COL22A1: variants seen among roughly 807,000 people sequenced by gnomAD.
COL22A1 encodes collagen type XXII alpha 1 chain.
A neutral mutation model predicts 248.9 loss-of-function variants in COL22A1; 221 were observed. That is an observed-to-expected ratio of 0.89 (90% confidence interval 0.80 to 0.99). COL22A1 has a LOEUF of 0.99. Ranked by LOEUF, COL22A1 falls within the 50% of genes least tolerant of loss-of-function variation. The pLI is 0.00. For missense variants in COL22A1, 2,240 were observed against 2,179.0 expected (o/e 1.03, Z -0.56); for synonymous variants, 891 against 793.4 (o/e 1.12, Z -2.07).
chr8:138,789,230 T>C (rs991919592), intron 12 of COL22A1, among the ~76,000 whole-genome samples: 2 of 152,248 alleles, frequency 1.3e-5, no homozygotes, highest in Non-Finnish European at 2.9e-5. Flanking sequence ...TTCAGCACCA[T>C]GGACAGGGCC....
At chr8:138,616,880 C>T (rs1819369737) in intron 54 of COL22A1, 34 bp downstream of exon 54, 1 of 1,613,696 alleles carries the variant, frequency 6.2e-7, no homozygotes, top group Admixed American at 1.7e-5. Flanking sequence ...CTCTGCCCAC[C>T]TGGGGGGACC....
chr8:138,851,481 C>T (rs923426069), intron 3 of COL22A1, among the ~76,000 whole-genome samples: 22 of 152,350 alleles, frequency 1.4e-4, no homozygotes, highest in African/African-American at 3.8e-4. Flanking sequence ...ATGGTTGTTA[C>T]TATGTATGAG....
intron 17 of COL22A1, among the ~76,000 whole-genome samples, chr8:138,761,948 A>G (rs751788708): frequency 1.4e-4 from 22 of 152,102 alleles, no homozygotes; most frequent in Non-Finnish European, 2.8e-4. Flanking sequence ...ACTGAACCAC[A>G]TGTCTTGCAG....
intron 63 of COL22A1, among the ~76,000 whole-genome samples, chr8:138,593,374 T>C (rs1252838164): frequency 6.6e-6 from 1 of 151,980 alleles, no homozygotes; most frequent in Non-Finnish European, 1.5e-5. Flanking sequence ...TCCCAGAACT[T>C]GAAGTAAATT....
intron 12 of COL22A1, among the ~76,000 whole-genome samples, chr8:138,788,183 G>A (rs894687993): frequency 1.3e-5 from 2 of 152,174 alleles, no homozygotes; most frequent in African/African-American, 4.8e-5. Context: ...CCCCACCCCA[G>A]ACATACTAAA....
At chr8:138,749,715 T>C (rs1274491204) in intron 22 of COL22A1, among the ~76,000 whole-genome samples, 1 of 152,202 alleles carries the variant, frequency 6.6e-6, no homozygotes. Flanking sequence ...ACACAGCTGC[T>C]GAGACGTGGA....
intron 30 of COL22A1, among the ~76,000 whole-genome samples, chr8:138,715,278 C>A (rs1395299708): frequency 2.0e-5 from 3 of 152,098 alleles, no homozygotes; most frequent in African/African-American, 2.4e-5. Flanking sequence ...TCAGTACAGG[C>A]CGGGCATGGT....
At chr8:138,783,712 T>C (rs1815252806) in intron 12 of COL22A1, among the ~76,000 whole-genome samples, 1 of 152,194 alleles carries the variant, frequency 6.6e-6, no homozygotes, top group Admixed American at 6.5e-5. Flanking sequence ...AAAAGTTGTT[T>C]TAAGTATTAA....
intron 2 of COL22A1, among the ~76,000 whole-genome samples, chr8:138,881,546 A>G (rs62528818): frequency 0.11 from 16,219 of 152,136 alleles, 903 homozygotes; most frequent in Middle Eastern, 0.16. Flanking sequence ...TTAGCCAGGC[A>G]TGGTGGCAGG....
At chr8:138,651,364 T>A (rs2130568310) in intron 45 of COL22A1, among the ~76,000 whole-genome samples, 1 of 152,308 alleles carries the variant, frequency 6.6e-6, no homozygotes, top group African/African-American at 2.4e-5. Context: ...TGGCAAATAT[T>A]CTTCCACAGA....
intron 4 of COL22A1, among the ~76,000 whole-genome samples, chr8:138,841,043 C>T (rs1182910645): frequency 6.6e-6 from 1 of 152,154 alleles, no homozygotes; most frequent in Non-Finnish European, 1.5e-5. Context: ...GCCTTCCTTC[C>T]TTCCATTCTT....
chr8:138,782,520 G>A (rs563631429), intron 12 of COL22A1, among the ~76,000 whole-genome samples: 208 of 152,298 alleles, frequency 1.4e-3, no homozygotes, highest in Non-Finnish European at 2.8e-3. Context: ...TAGGCATGGG[G>A]GATATGGTGG....
chr8:138,649,782 A>G lies in COL22A1; in HGVS notation c.3334-4T>C. ...GAGGGCAGTCATTGCACACATCCTG[A>G]GAGTGGGGAGAGAGGTGGGGACAAA... On this transcript the variant is annotated splice_polypyrimidine_tract_variant and splice_region_variant and intron_variant, in intron 45 of 64. Coordinates refer to ENST00000303045, the MANE Select transcript of COL22A1 (RefSeq NM_152888.3). The G allele has an allele frequency of 6.5e-7, 1 of 1,541,122 alleles. No individual in the cohort carries two copies. The highest frequency in any genetic ancestry group is 8.8e-7 in the Non-Finnish European group (1 of 1,138,932).
intron 55 of COL22A1, among the ~76,000 whole-genome samples, chr8:138,614,961 G>C (rs1819191215): frequency 6.6e-6 from 1 of 152,198 alleles, no homozygotes; most frequent in Non-Finnish European, 1.5e-5. Flanking sequence ...GGCTCTGAAG[G>C]ACCCACATGG....
chr8:138,841,383 A>G (rs1378587511), intron 4 of COL22A1, among the ~76,000 whole-genome samples: 2 of 152,214 alleles, frequency 1.3e-5, no homozygotes, highest in African/African-American at 2.4e-5. Flanking sequence ...ATAGAATAAA[A>G]TGTTAAAAGA....
At chr8:138,719,852 G>A (rs753945614) in intron 27 of COL22A1, among the ~76,000 whole-genome samples, 2 of 152,290 alleles carry the variant, frequency 1.3e-5, no homozygotes, top group East Asian at 1.9e-4. Context: ...ACTAAGACCC[G>A]GTCACTGGGT....
At chr8:138,785,735 A>G (rs1298195890) in intron 12 of COL22A1, among the ~76,000 whole-genome samples, 2 of 152,134 alleles carry the variant, frequency 1.3e-5, no homozygotes, top group African/African-American at 2.4e-5. Context: ...GTTCTTTCAA[A>G]TAGATGCCCA....
chr8:138,796,890 C>T lies in COL22A1; in HGVS notation c.1558-33G>A, dbSNP rs199589989. The stretch of plus-strand genomic sequence containing the variant: ...AATGAAAGAAGGCAAAGATTCACTA[C>T]AGAGCATCTCCATGGCATGACATTG... On this transcript the variant is annotated intron_variant, in intron 11 of 64. Coordinates refer to ENST00000303045, the MANE Select transcript of COL22A1 (RefSeq NM_152888.3). The T allele has an allele frequency of 6.3e-4, 895 of 1,428,932 alleles. 3 individuals carry two copies. The highest frequency in any genetic ancestry group is 4.3e-3 in the Middle Eastern group (25 of 5,764). The allele number at this position is 1,428,932 out of a possible 1,614,324, so 88.5% of individuals were successfully genotyped here. A position where few individuals can be genotyped will look rare whatever the true frequency, so the allele number is the denominator to read the frequency against.
At chr8:138,811,147 C>T (rs1818176178) in intron 9 of COL22A1, among the ~76,000 whole-genome samples, 1 of 152,094 alleles carries the variant, frequency 6.6e-6, no homozygotes, top group Admixed American at 6.5e-5. Flanking sequence ...AATCACAGCC[C>T]TGGGCACACA....
Sources: allele counts gnomAD v4.1 joint callset (sites outside exome capture counted in the v4.1 genomes callset), GRCh38; gene constraint gnomAD v4.1.1; transcripts MANE v1.5; gene names NCBI Gene and HGNC (gene_info 2026-07-23, HGNC 2026-07-21).